The following STRN3 variants were observed in gnomAD, a reference collection of about 807,000 sequenced individuals.
STRN3 encodes striatin 3, also known as striatin-3.
STRN3 carries 29 observed loss-of-function variants against 95.6 expected under a neutral mutation model. That is an observed-to-expected ratio of 0.30 (90% confidence interval 0.23 to 0.41). The LOEUF (loss-of-function observed/expected upper bound fraction) is 0.41. Among genes scored for constraint, STRN3 ranks in the 10% least tolerant of loss-of-function variants. STRN3 has a pLI of 1.00. For missense variants in STRN3, 890 were observed against 972.1 expected (o/e 0.92, Z 1.12); for synonymous variants, 331 against 357.6 (o/e 0.93, Z 0.84).
At chr14:30,968,370 A>T (rs67209135) in intron 1 of STRN3, among the ~76,000 whole-genome samples, 1 of 139,294 alleles carries the variant, frequency 7.2e-6, no homozygotes, top group East Asian at 2.1e-4. Context: ...GTCCTAAAAT[A>T]AGATTAACTG....
chr14:31,005,559 G>C (rs780171218), intron 1 of STRN3, among the ~76,000 whole-genome samples: 1 of 152,198 alleles, frequency 6.6e-6, no homozygotes, highest in Non-Finnish European at 1.5e-5. Context: ...CTTTGGCATA[G>C]TGAATTGGGG....
At chr14:30,995,941 A>C (rs1882177549) in intron 1 of STRN3, among the ~76,000 whole-genome samples, 1 of 152,194 alleles carries the variant, frequency 6.6e-6, no homozygotes, top group Admixed American at 6.5e-5. Flanking sequence ...GTTGTCCTCC[A>C]AAGTGGCCTC....
At chr14:30,957,504 A>C (rs1039781783) in intron 1 of STRN3, among the ~76,000 whole-genome samples, 1 of 151,170 alleles carries the variant, frequency 6.6e-6, no homozygotes, top group African/African-American at 2.4e-5. Context: ...TAATCTTTCC[A>C]TTGTACCACC....
In STRN3 at chr14:30,918,970, C is replaced by T. The variant is rs1223006704; in HGVS notation, c.1236G>A (p.Glu412=). ...CATGGTAGCTAAATTTTGTACCTTC[C>T]TCTGCTCTTGCACCTTCATGATCAG... ...RMTDHEGARA[E]EAEPITFPSG... Residue 412 remains glutamate (E), a synonymous_variant, in exon 9 of 18, where the codon GAG becomes GAA. Transcript: ENST00000357479. 1.3e-6 allele frequency: 2 copies of T among 1,571,122 alleles called. No individual in the cohort carries two copies. Among genetic ancestry groups the T allele is most frequent in the Admixed American group, 1.8e-5 (1 of 55,144 alleles).
chr14:30,957,968 C>G (rs1463183789), intron 1 of STRN3, among the ~76,000 whole-genome samples: 3 of 147,616 alleles, frequency 2.0e-5, no homozygotes, highest in Non-Finnish European at 4.5e-5. Flanking sequence ...GCCAAGGAGA[C>G]CAGCTAAATC....
intron 15 of STRN3, among the ~76,000 whole-genome samples, chr14:30,905,072 C>T (rs1896426324): frequency 6.6e-6 from 1 of 151,958 alleles, no homozygotes. Flanking sequence ...TGATCCCTAT[C>T]TAAATAAACT....
intron 1 of STRN3, among the ~76,000 whole-genome samples, chr14:30,981,469 G>A (rs1566473119): frequency 6.6e-6 from 1 of 152,036 alleles, no homozygotes; most frequent in Non-Finnish European, 1.5e-5. Flanking sequence ...TAAAGAGTCA[G>A]CAAACCATTG....
At chr14:31,020,858 T>A (rs542730906) in intron 1 of STRN3, among the ~76,000 whole-genome samples, 1 of 152,204 alleles carries the variant, frequency 6.6e-6, no homozygotes, top group South Asian at 2.1e-4. Flanking sequence ...GTAAGCCATG[T>A]TGGCACCACT....
At chr14:30,954,570 C>T (rs1477033335) in intron 3 of STRN3, among the ~76,000 whole-genome samples, 1 of 152,130 alleles carries the variant, frequency 6.6e-6, no homozygotes, top group Non-Finnish European at 1.5e-5. Context: ...TTCTACATAA[C>T]TGAAAACATT....
At chr14:30,948,639 C>T (rs1406964254) in intron 4 of STRN3, among the ~76,000 whole-genome samples, 1 of 152,128 alleles carries the variant, frequency 6.6e-6, no homozygotes, top group African/African-American at 2.4e-5. Flanking sequence ...GTGATAGTTG[C>T]TTCAGAGGAA....
intron 1 of STRN3, among the ~76,000 whole-genome samples, chr14:30,999,459 T>C (rs891790159): frequency 2.0e-5 from 3 of 152,188 alleles, no homozygotes; most frequent in Admixed American, 2.0e-4. Context: ...AAATAAAGAA[T>C]GTTAATAAAC....
chr14:30,919,167 C>T, intron 8 of STRN3, 61 bp from the exon 9 acceptor site: 1 of 1,411,870 alleles, frequency 7.1e-7, no homozygotes. Context: ...TTTCCGGCAG[C>T]CTTTAAAACC....
chr14:30,974,676 C>T (rs530130329), intron 1 of STRN3, among the ~76,000 whole-genome samples: 162 of 151,050 alleles, frequency 1.1e-3, no homozygotes, highest in Middle Eastern at 3.5e-3. Flanking sequence ...CTATGGCACA[C>T]GCCTGTAGTC....
At chr14:30,957,468 A>AAAGAGAG (rs1555320671) in intron 1 of STRN3, among the ~76,000 whole-genome samples, 1 of 139,112 alleles carries the variant, frequency 7.2e-6, no homozygotes, top group Non-Finnish European at 1.5e-5. Context: ...AAAAAAAAAA[A>AAAGAGAG]AGAGAGAGAG....
At chr14:30,932,705 C>T (rs1878602928) in intron 7 of STRN3, among the ~76,000 whole-genome samples, 2 of 152,014 alleles carry the variant, frequency 1.3e-5, no homozygotes, top group African/African-American at 4.8e-5. Flanking sequence ...ACAGAAAGAC[C>T]AATCGGTTGT....
intron 8 of STRN3, among the ~76,000 whole-genome samples, chr14:30,921,063 C>T (rs1896866505): frequency 9.2e-6 from 1 of 108,500 alleles, no homozygotes; most frequent in Non-Finnish European, 2.0e-5. Context: ...GCTTTCTACA[C>T]ATACATATAC....
intron 1 of STRN3, among the ~76,000 whole-genome samples, chr14:30,999,336 C>T (rs912205657): frequency 1.3e-5 from 2 of 152,126 alleles, no homozygotes; most frequent in East Asian, 1.9e-4. Flanking sequence ...CATGAGCCAC[C>T]GCACCTAGCC....
At chr14:30,982,498 C>A (rs1356258857) in intron 1 of STRN3, among the ~76,000 whole-genome samples, 1 of 152,138 alleles carries the variant, frequency 6.6e-6, no homozygotes, top group African/African-American at 2.4e-5. Context: ...TTAGTAGAAA[C>A]AGGGTTTCAT....
At chr14:30,972,466 C>A (rs780278035) in intron 1 of STRN3, among the ~76,000 whole-genome samples, 8 of 152,104 alleles carry the variant, frequency 5.3e-5, no homozygotes, top group Non-Finnish European at 8.8e-5. Flanking sequence ...TCTGTAAGGG[C>A]GCACCCTTCT....
Sources: gnomAD v4.1 joint callset for allele counts (sites outside exome capture counted in the v4.1 genomes callset) on GRCh38, gnomAD v4.1.1 for gene constraint, MANE v1.5 for transcripts, NCBI Gene and HGNC (gene_info 2026-07-23, HGNC 2026-07-21) for gene names.